TRPC4AP: variants seen among roughly 807,000 people sequenced by gnomAD.
TRPC4AP encodes the protein transient receptor potential cation channel subfamily C member 4 associated protein, also known as short transient receptor potential channel 4-associated protein.
A neutral mutation model predicts 99.0 loss-of-function variants in TRPC4AP; 45 were observed. The ratio of observed to expected loss-of-function variants is 0.45; its 90% CI spans 0.36 to 0.58. The LOEUF (loss-of-function observed/expected upper bound fraction) is 0.58, where lower values mean the gene tolerates loss of function less well. TRPC4AP is among the 20% of genes least tolerant of loss of function. The pLI is 0.00. For synonymous variants in TRPC4AP, 408 were observed against 385.8 expected (o/e 1.06, Z -0.67); for missense variants, 879 against 985.3 (o/e 0.89, Z 1.44).
In TRPC4AP at chr20:35,015,877, G is replaced by A. The variant is rs1600515842; in HGVS notation, c.1350+131C>T. The A allele has an allele frequency of 4.3e-6, 5 of 1,150,664 alleles. 1 individual carries two copies. Among genetic ancestry groups the A allele is most frequent in the Non-Finnish European group, 1.2e-6 (1 of 816,678 alleles). The allele number at this position is 1,150,664 out of a possible 1,614,324, so 71.3% of individuals were successfully genotyped here. On this transcript the variant is annotated intron_variant, in intron 10 of 18. Coordinates refer to ENST00000252015, the MANE Select transcript of TRPC4AP (RefSeq NM_015638.3). The stretch of plus-strand genomic sequence containing the variant: ...TACTCCAAGGTAGCTTCCAATTAGG[G>A]GACTATAAGATATGATTTTAGTTTC...
In TRPC4AP at chr20:35,078,152, T is replaced by C; in HGVS notation, c.191A>G (p.Glu64Gly). The part of the protein sequence containing the change: ...AVQFTETFLT[E>G]RDKQSKWSGI... ...ACTCCACTTGGATTGTTTGTCCCTC[T>C]CCGTCAAAAAAGTCTCAGTGAACTG... Residue 64 changes from glutamate (E) to glycine (G), a missense_variant, in exon 2 of 19, where the codon GAG becomes GGG. This residue lies in a region of TRPC4AP where 603 missense variants were observed against 631.8 expected (regional missense o/e 0.95). Coordinates refer to ENST00000252015, the MANE Select transcript of TRPC4AP (RefSeq NM_015638.3). 1 of 1,613,588 alleles carries C rather than the reference T, an allele frequency of 6.2e-7. No individual in the cohort carries two copies. Among genetic ancestry groups the C allele is most frequent in the Non-Finnish European group, 8.5e-7 (1 of 1,179,738 alleles).
intron 9 of TRPC4AP, among the ~76,000 whole-genome samples, chr20:35,017,292 A>C (rs1247439992): frequency 6.6e-6 from 1 of 152,194 alleles, no homozygotes; most frequent in East Asian, 1.9e-4. Flanking sequence ...GAGGAATACA[A>C]TTCGCCTTTG....
chr20:35,008,044 T>TGGGCTGGCCTAGGGAAGTAGTGGTTG (rs2147267050), intron 13 of TRPC4AP, among the ~76,000 whole-genome samples: 1 of 152,294 alleles, frequency 6.6e-6, no homozygotes, highest in South Asian at 2.1e-4. Flanking sequence ...TCACAGACGA[T>TGGGCTGGCCTAGGGAAGTAGTGGTTG]GGGCTGGCCT....
chr20:35,086,429 ATATGTGTGTG>A (rs1392516049), intron 1 of TRPC4AP, among the ~76,000 whole-genome samples: 11 of 117,802 alleles, frequency 9.3e-5, no homozygotes, highest in Admixed American at 1.9e-4. Context: ...AATGAATGGC[ATATGTGTGTG>A]TGTGTGTGTG....
At chr20:35,010,096 G>A (rs557909357) in intron 12 of TRPC4AP, 91 bp downstream of exon 12, 13 of 983,214 alleles carry the variant, frequency 1.3e-5, no homozygotes, top group Admixed American at 3.6e-5. Flanking sequence ...GAGAGGACAC[G>A]CGTGCATACC....
At chr20:35,025,479 T>A (rs977993251) in intron 8 of TRPC4AP, among the ~76,000 whole-genome samples, 5 of 152,198 alleles carry the variant, frequency 3.3e-5, no homozygotes, top group Non-Finnish European at 4.4e-5. Context: ...GGCCTCACTG[T>A]GGTTTTGATT....
intron 8 of TRPC4AP, 70 bp downstream of exon 8, chr20:35,035,053 G>C (rs984872594): frequency 3.4e-6 from 5 of 1,479,124 alleles, no homozygotes; most frequent in Non-Finnish European, 4.6e-6. Context: ...TTCTTGGAAA[G>C]AAGAGCAAGA....
intron 4 of TRPC4AP, among the ~76,000 whole-genome samples, chr20:35,056,873 C>G (rs555798356): frequency 6.7e-6 from 1 of 149,340 alleles, no homozygotes; most frequent in Non-Finnish European, 1.5e-5. Flanking sequence ...GTAATCCCAG[C>G]TACTTGAGAG....
chr20:35,024,761 A>G (rs180935247), intron 8 of TRPC4AP, among the ~76,000 whole-genome samples: 8 of 141,348 alleles, frequency 5.7e-5, no homozygotes, highest in African/African-American at 2.2e-4. Context: ...CTGGGAGGTC[A>G]GGGCTGCAAT....
At chr20:35,051,642 T>C (rs1569123716) in intron 5 of TRPC4AP, among the ~76,000 whole-genome samples, 1 of 151,406 alleles carries the variant, frequency 6.6e-6, no homozygotes, top group Non-Finnish European at 1.5e-5. Context: ...AAGGTTGTTA[T>C]TCCCGAACTA....
intron 3 of TRPC4AP, among the ~76,000 whole-genome samples, chr20:35,064,305 G>C (rs967764413): frequency 6.6e-6 from 1 of 152,210 alleles, no homozygotes; most frequent in African/African-American, 2.4e-5. Flanking sequence ...GCCAAATGAA[G>C]AAGGAAGATT....
At chr20:35,026,511 C>T (rs995324206) in intron 8 of TRPC4AP, among the ~76,000 whole-genome samples, 3 of 152,104 alleles carry the variant, frequency 2.0e-5, no homozygotes, top group African/African-American at 4.8e-5. Flanking sequence ...TCACTGTACC[C>T]GGCCTAGTTC....
intron 1 of TRPC4AP, among the ~76,000 whole-genome samples, chr20:35,081,008 A>G (rs2084630680): frequency 6.6e-6 from 1 of 152,196 alleles, no homozygotes; most frequent in East Asian, 1.9e-4. Flanking sequence ...ATTTGCTGAA[A>G]ATCACTGAAC....
chr20:35,036,812 A>T (rs2083329955), intron 7 of TRPC4AP, among the ~76,000 whole-genome samples: 1 of 152,078 alleles, frequency 6.6e-6, no homozygotes, highest in Non-Finnish European at 1.5e-5. Context: ...CAGGCGTGGT[A>T]TCGTGCGCCT....
intron 8 of TRPC4AP, among the ~76,000 whole-genome samples, chr20:35,029,964 T>TG (rs73621678): frequency 1 from 141,958 of 141,962 alleles, 70,977 homozygotes; most frequent in Middle Eastern, 1. Context: ...AGTTGCTGGC[T>TG]GGCGCGGTGG....
intron 8 of TRPC4AP, among the ~76,000 whole-genome samples, chr20:35,022,925 A>G (rs1311149170): frequency 6.6e-6 from 1 of 151,462 alleles, no homozygotes. Flanking sequence ...CAAGAGGGAG[A>G]GGTGGAAGGA....
intron 7 of TRPC4AP, among the ~76,000 whole-genome samples, chr20:35,037,441 G>A (rs1457170604): frequency 1.3e-5 from 2 of 151,608 alleles, no homozygotes; most frequent in Non-Finnish European, 2.9e-5. Context: ...TTGAAAACAG[G>A]TGCACACACA....
intron 4 of TRPC4AP, 104 bp from the exon 5 acceptor site, chr20:35,055,135 A>G: frequency 1.0e-6 from 1 of 1,001,588 alleles, no homozygotes; most frequent in South Asian, 1.6e-5. Context: ...CCCCTCCAAG[A>G]TGATTATTTT....
chr20:35,015,513 AGTC>A (rs1156990583), intron 10 of TRPC4AP, among the ~76,000 whole-genome samples: 13 of 134,658 alleles, frequency 9.7e-5, no homozygotes, highest in Non-Finnish European at 2.0e-4. Context: ...CGCAGGCTGG[AGTC>A]CAGTGGCGTG....
Sources: gnomAD v4.1 joint callset for allele counts (sites outside exome capture counted in the v4.1 genomes callset) on GRCh38, gnomAD v4.1.1 for gene constraint, gnomAD v4.1.1 regional missense constraint, MANE v1.5 for transcripts, NCBI Gene and HGNC (gene_info 2026-07-23, HGNC 2026-07-21) for gene names.